ERC2: variants seen among roughly 807,000 people sequenced by gnomAD.
ERC2 encodes the protein ERC protein 2.
Under a neutral mutation model 114.8 loss-of-function variants are expected in ERC2, and 42 were observed. That is an observed-to-expected ratio of 0.37 (90% CI 0.29 to 0.47). The LOEUF is 0.47. ERC2 is among the 20% of genes least tolerant of loss of function. The pLI is 0.99. For synonymous variants in ERC2, 454 were observed against 425.5 expected (o/e 1.07, Z -0.82); for missense variants, 939 against 1,150.7 (o/e 0.82, Z 2.66).
intron 17 of ERC2, among the ~76,000 whole-genome samples, chr3:55,674,671 A>C (rs1181318393): frequency 6.6e-6 from 1 of 152,138 alleles, no homozygotes; most frequent in Non-Finnish European, 1.5e-5. Flanking sequence ...CTGCCTTTTT[A>C]TTCTGGATCT....
chr3:56,136,721 G>C (rs2080528340), intron 6 of ERC2, among the ~76,000 whole-genome samples: 1 of 151,970 alleles, frequency 6.6e-6, no homozygotes, highest in Non-Finnish European at 1.5e-5. Flanking sequence ...CCAACAATTA[G>C]AGCAATTTCA....
chr3:56,290,812 C>T (rs1275273552), intron 3 of ERC2, among the ~76,000 whole-genome samples: 1 of 152,166 alleles, frequency 6.6e-6, no homozygotes, highest in Non-Finnish European at 1.5e-5. Flanking sequence ...ACCAATAATT[C>T]ATGTTACCTC....
At chr3:55,689,635 A>G (rs78851665) in intron 16 of ERC2, among the ~76,000 whole-genome samples, 2,031 of 152,198 alleles carry the variant, frequency 0.013, 41 homozygotes, top group African/African-American at 0.045. Context: ...GTAGGCAATC[A>G]AATTTCCTTT....
At chr3:56,145,099 C>T (rs2081069940) in intron 5 of ERC2, among the ~76,000 whole-genome samples, 1 of 152,190 alleles carries the variant, frequency 6.6e-6, no homozygotes, top group African/African-American at 2.4e-5. Context: ...ACACAAACTA[C>T]ACCCTGAAAA....
In ERC2 at chr3:56,008,170, G is replaced by A. The variant is rs1170746462; in HGVS notation, c.1921-849C>T. 3.3e-5 allele frequency among the ~76,000 whole-genome samples: 5 copies of A among 152,120 alleles called. No homozygotes were observed. In the South Asian group the frequency reaches 1.0e-3, roughly 32 times the overall value. On this transcript the variant is annotated intron_variant, in intron 9 of 17. Transcript: ENST00000288221. ...CCATGTATTTCCTTCTTGATCATTTGCATCACCTAGGAAGATACTAAAGAC... is the reference window on the plus strand; with the variant it reads ...CCATGTATTTCCTTCTTGATCATTTACATCACCTAGGAAGATACTAAAGAC...
chr3:56,201,088 C>A (rs907339975), intron 3 of ERC2, among the ~76,000 whole-genome samples: 2 of 152,098 alleles, frequency 1.3e-5, no homozygotes, highest in Admixed American at 1.3e-4. Flanking sequence ...CTGTCTCATC[C>A]CACCTCATCT....
At chr3:56,248,646 A>G (rs1046267320) in intron 3 of ERC2, among the ~76,000 whole-genome samples, 1 of 152,242 alleles carries the variant, frequency 6.6e-6, no homozygotes, top group African/African-American at 2.4e-5. Flanking sequence ...AGGCAAAGAC[A>G]TATTTGCTTC....
chr3:55,957,507 A>C (rs1341257403), intron 12 of ERC2, among the ~76,000 whole-genome samples: 2 of 152,206 alleles, frequency 1.3e-5, no homozygotes, highest in African/African-American at 4.8e-5. Context: ...CACCAGCTGG[A>C]AACCTCTGTG....
intron 14 of ERC2, among the ~76,000 whole-genome samples, chr3:55,736,625 G>T (rs1194230326): frequency 6.6e-6 from 1 of 152,150 alleles, no homozygotes; most frequent in Non-Finnish European, 1.5e-5. Context: ...GCTTCTAGAA[G>T]ATCCCTCAGC....
At chr3:56,149,667 A>G (rs2081316325) in intron 4 of ERC2, among the ~76,000 whole-genome samples, 1 of 152,234 alleles carries the variant, frequency 6.6e-6, no homozygotes, top group African/African-American at 2.4e-5. Flanking sequence ...AAATAACTGA[A>G]TCTTGACTTG....
chr3:55,539,380 C>A (rs1478792826), intron 17 of ERC2, among the ~76,000 whole-genome samples: 3 of 103,180 alleles, frequency 2.9e-5, no homozygotes, highest in African/African-American at 1.1e-4. Context: ...CTTTTATTTT[C>A]TTTTTTCTTT....
chr3:55,672,858 G>A (rs1203277698), intron 17 of ERC2, among the ~76,000 whole-genome samples: 2 of 152,142 alleles, frequency 1.3e-5, no homozygotes, highest in African/African-American at 4.8e-5. Flanking sequence ...GCTTCGGGGC[G>A]TAGGAGTCTC....
chr3:55,591,562 G>A (rs1392094397), intron 17 of ERC2, among the ~76,000 whole-genome samples: 2 of 145,932 alleles, frequency 1.4e-5, no homozygotes, highest in Non-Finnish European at 3.0e-5. Flanking sequence ...TGACCCCTCA[G>A]AAGTTTGTGT....
At chr3:55,955,880 C>T (rs1262378019) in intron 12 of ERC2, among the ~76,000 whole-genome samples, 1 of 152,230 alleles carries the variant, frequency 6.6e-6, no homozygotes, top group Non-Finnish European at 1.5e-5. Flanking sequence ...GGGCTCCCAT[C>T]AGAAGTCTGC....
At chr3:55,700,762 C>G (rs1168558245) in intron 15 of ERC2, among the ~76,000 whole-genome samples, 2 of 152,126 alleles carry the variant, frequency 1.3e-5, no homozygotes, top group Non-Finnish European at 2.9e-5. Flanking sequence ...CTCCTGCATA[C>G]CATGGCTCTA....
intron 17 of ERC2, among the ~76,000 whole-genome samples, chr3:55,532,538 A>C (rs572931031): frequency 1.2e-3 from 176 of 152,358 alleles, no homozygotes; most frequent in Middle Eastern, 0.01. Flanking sequence ...TGTCAAGTAC[A>C]GTTTCTAAGG....
chr3:55,652,657 A>G (rs927635485), intron 17 of ERC2, among the ~76,000 whole-genome samples: 11 of 152,122 alleles, frequency 7.2e-5, no homozygotes, highest in African/African-American at 2.2e-4. Context: ...GTGGATCATA[A>G]GGTCATGAGT....
At chr3:56,240,482 A>C (rs190367520) in intron 3 of ERC2, among the ~76,000 whole-genome samples, 69 of 152,318 alleles carry the variant, frequency 4.5e-4, no homozygotes, top group Non-Finnish European at 8.5e-4. Flanking sequence ...GTAAATGTAA[A>C]AACTAAAATA....
At chr3:55,566,948 G>T (rs930603081) in intron 17 of ERC2, among the ~76,000 whole-genome samples, 1 of 152,198 alleles carries the variant, frequency 6.6e-6, no homozygotes, top group Non-Finnish European at 1.5e-5. Flanking sequence ...TGATCTGCCT[G>T]CCTTGGCCTC....
Sources: allele counts gnomAD v4.1 joint callset (sites outside exome capture counted in the v4.1 genomes callset), GRCh38; gene constraint gnomAD v4.1.1; transcripts MANE v1.5; gene names NCBI Gene and HGNC (gene_info 2026-07-23, HGNC 2026-07-21).